Variants in COBL observed in about 807,000 individuals in gnomAD.
COBL encodes the protein protein cordon-bleu.
A neutral mutation model predicts 98.8 loss-of-function variants in COBL; 51 were observed. That is an observed-to-expected ratio of 0.52 (90% CI 0.41 to 0.65). COBL has a LOEUF of 0.65. Ranked by LOEUF, COBL falls within the 30% of genes least tolerant of loss-of-function variation. The pLI is 0.00. For missense variants in COBL, 1,617 were observed against 1,617.5 expected (o/e 1.00, Z 0.01); for synonymous variants, 634 against 651.7 (o/e 0.97, Z 0.41).
chr7:51,286,054 G>T (rs918830773), intron 1 of COBL, among the ~76,000 whole-genome samples: 1 of 152,108 alleles, frequency 6.6e-6, no homozygotes, highest in African/African-American at 2.4e-5. Flanking sequence ...AAAATGAGAA[G>T]TAGCAGAAGA....
At chr7:51,130,890 G>T (rs1384214127) in intron 6 of COBL, among the ~76,000 whole-genome samples, 1 of 152,220 alleles carries the variant, frequency 6.6e-6, no homozygotes, top group African/African-American at 2.4e-5. Context: ...TCTTCACACA[G>T]TGTGAAATAC....
intron 1 of COBL, among the ~76,000 whole-genome samples, chr7:51,243,730 T>C (rs1023335313): frequency 2.6e-5 from 4 of 152,130 alleles, no homozygotes; most frequent in Non-Finnish European, 4.4e-5. Flanking sequence ...AGACTAGTGA[T>C]TGTCGGAGTT....
At chr7:51,177,165 C>T (rs180822204) in intron 5 of COBL, among the ~76,000 whole-genome samples, 1 of 152,112 alleles carries the variant, frequency 6.6e-6, no homozygotes, top group Admixed American at 6.6e-5. Context: ...CCTGGGGACA[C>T]GTGGATGTCT....
At chr7:51,038,362 G>C (rs910913601) in intron 8 of COBL, among the ~76,000 whole-genome samples, 3 of 152,198 alleles carry the variant, frequency 2.0e-5, no homozygotes, top group Admixed American at 2.0e-4. Context: ...ACTGGGCCAG[G>C]ACAGTTTTTA....
chr7:51,221,203 T>C (rs1793608431), intron 1 of COBL, among the ~76,000 whole-genome samples: 1 of 152,076 alleles, frequency 6.6e-6, no homozygotes, highest in Admixed American at 6.6e-5. Flanking sequence ...GGCCATACCC[T>C]AGTTAGAGGG....
At chr7:51,192,923 T>G (rs1790246514) in intron 3 of COBL, among the ~76,000 whole-genome samples, 1 of 152,118 alleles carries the variant, frequency 6.6e-6, no homozygotes, top group Non-Finnish European at 1.5e-5. Context: ...AAATTCAGTT[T>G]CTCAATCATA....
At chr7:51,167,360 A>G (rs992537252) in intron 5 of COBL, among the ~76,000 whole-genome samples, 2 of 152,182 alleles carry the variant, frequency 1.3e-5, no homozygotes, top group Non-Finnish European at 2.9e-5. Flanking sequence ...GTCAAAAATA[A>G]TATTAAATAC....
intron 7 of COBL, among the ~76,000 whole-genome samples, chr7:51,077,726 T>G (rs1443359841): frequency 6.6e-6 from 1 of 152,232 alleles, no homozygotes. Flanking sequence ...TCCTGAACGC[T>G]GAATAGGCAT....
At chr7:51,143,394 A>C (rs1248138621) in intron 5 of COBL, among the ~76,000 whole-genome samples, 1 of 152,220 alleles carries the variant, frequency 6.6e-6, no homozygotes, top group Non-Finnish European at 1.5e-5. Flanking sequence ...ATGTGGTGAC[A>C]CATTTTGAAT....
At position 51,099,873 on chromosome 7, in the gene COBL, A is replaced by G. The variant is rs572779660; in HGVS notation, c.958-14569T>C. Among the ~76,000 whole-genome samples, 3 of 152,260 alleles carry G rather than the reference A, an allele frequency of 2.0e-5. No individual in the cohort carries two copies. The East Asian group carries it at 5.8e-4, about 29-fold the overall frequency. On this transcript the variant is annotated intron_variant, in intron 6 of 12. Coordinates refer to ENST00000265136, the MANE Select transcript of COBL (RefSeq NM_015198.5). ...AAACCTTTCCATTTTTTCTGTTAAT[A>G]CCTACTTATCACTTTAGCCCACTGT...
chr7:51,288,472 G>A (rs1202296271), intron 1 of COBL, among the ~76,000 whole-genome samples: 1 of 150,842 alleles, frequency 6.6e-6, no homozygotes, highest in Non-Finnish European at 1.5e-5. Context: ...TGAAAATGGG[G>A]CTGGGCGTGA....
intron 9 of COBL, among the ~76,000 whole-genome samples, chr7:51,030,058 C>G (rs1787996715): frequency 6.6e-6 from 1 of 152,148 alleles, no homozygotes; most frequent in Admixed American, 6.5e-5. Context: ...CTCTTCCAAG[C>G]ACCAAATTAT....
At chr7:51,295,411 C>T (rs78899770) in intron 1 of COBL, among the ~76,000 whole-genome samples, 4,524 of 151,916 alleles carry the variant, frequency 0.03, 205 homozygotes, top group African/African-American at 0.1. Flanking sequence ...AAAAAAATAA[C>T]GATTAAAAAT....
intron 8 of COBL, chr7:51,031,162 T>G: frequency 2.2e-6 from 1 of 445,640 alleles, no homozygotes; most frequent in Non-Finnish European, 3.9e-6. Flanking sequence ...GTCTTGTATG[T>G]GGTGGACATG....
intron 2 of COBL, among the ~76,000 whole-genome samples, chr7:51,214,428 G>C (rs1380989229): frequency 6.6e-6 from 1 of 152,156 alleles, no homozygotes; most frequent in Admixed American, 6.5e-5. Flanking sequence ...ACCTGGACAG[G>C]TGTGAACAGG....
At chr7:51,145,582 T>C (rs185123240) in intron 5 of COBL, among the ~76,000 whole-genome samples, 153 of 152,046 alleles carry the variant, frequency 1.0e-3, no homozygotes, top group Admixed American at 2.0e-3. Flanking sequence ...TTTCGCCATG[T>C]TGGCTAGGCT....
chr7:51,143,109 T>C (rs1033738344), intron 5 of COBL, among the ~76,000 whole-genome samples: 3 of 152,120 alleles, frequency 2.0e-5, no homozygotes, highest in African/African-American at 7.2e-5. Context: ...TGCAGCATAG[T>C]GACTGACCAG....
chr7:51,241,854 G>A (rs1795823452), intron 1 of COBL, among the ~76,000 whole-genome samples: 1 of 152,156 alleles, frequency 6.6e-6, no homozygotes, highest in African/African-American at 2.4e-5. Flanking sequence ...CTCTCACATG[G>A]GATAAGATAA....
Position 51,229,038 on chromosome 7 carries a change from C to A in COBL, c.42-9094G>T, listed in dbSNP as rs114289227. Among the ~76,000 whole-genome samples the A allele has an allele frequency of 6.3e-3, 965 of 152,314 alleles. 10 individuals carry two copies. The highest frequency in any genetic ancestry group is 0.022 in the African/African-American group (922 of 41,562). ...AATGTTTGCATACATCCCAAGCTGT[C>A]CCCTGCCCTTGCCTGGAGTGGGTTT... On this transcript the variant is annotated intron_variant, in intron 1 of 12. Transcript: ENST00000265136.
Sources: gnomAD v4.1 joint callset for allele counts (sites outside exome capture counted in the v4.1 genomes callset) on GRCh38, gnomAD v4.1.1 for gene constraint, MANE v1.5 for transcripts, NCBI Gene and HGNC (gene_info 2026-07-23, HGNC 2026-07-21) for gene names.